The following GCNT1 variants were observed in gnomAD, a reference collection of about 807,000 sequenced individuals.
The protein encoded by GCNT1 is glucosaminyl (N-acetyl) transferase 1, also known as beta-1,3-galactosyl-O-glycosyl-glycoprotein beta-1,6-N-acetylglucosaminyltransferase.
In GCNT1, 16 loss-of-function variants were observed where a neutral mutation model predicts 26.2. The ratio of observed to expected loss-of-function variants is 0.61; its 90% CI spans 0.41 to 0.93. GCNT1 has a LOEUF of 0.93. Among genes scored for constraint, GCNT1 ranks in the 40% least tolerant of loss-of-function variants. GCNT1 has a pLI of 0.00. For synonymous variants in GCNT1, 183 were observed against 190.8 expected, an observed-to-expected ratio of 0.96 and a Z score of 0.34; for missense variants, 477 against 526.7, an observed-to-expected ratio of 0.91 and a Z score of 0.92.
intron 1 of GCNT1, among the ~76,000 whole-genome samples, chr9:76,426,376 T>C (rs547788538): frequency 6.6e-6 from 1 of 152,266 alleles, no homozygotes; most frequent in South Asian, 2.1e-4. Flanking sequence ...AAGACCATCC[T>C]GGGCAACATG....
At chr9:76,417,695 A>G (rs1022937301), upstream of GCNT1, among the ~76,000 whole-genome samples, 1 of 152,164 alleles carries the variant, frequency 6.6e-6, no homozygotes, top group African/African-American at 2.4e-5. Context: ...TTAAGTTTGG[A>G]TAATGTTTAT....
chr9:76,412,683 C>A, the GCNT1 span, among the ~76,000 whole-genome samples: 1 of 152,184 alleles, frequency 6.6e-6, no homozygotes, highest in African/African-American at 2.4e-5. Context: ...GGCTTAGTCA[C>A]CCTTGACACA....
intron 1 of GCNT1, among the ~76,000 whole-genome samples, chr9:76,428,302 A>AAAAAAAAAAAAAAAAAAG (rs1222053703): frequency 1.9e-4 from 28 of 149,426 alleles, no homozygotes; most frequent in African/African-American, 3.7e-4. Context: ...TAAAAAAAAA[A>AAAAAAAAAAAAAAAAAAG]AGAGAGAGAG....
At position 76,505,008 on chromosome 9, in the gene GCNT1, G is replaced by A; in HGVS notation, c.*1340G>A. On this transcript the variant is annotated 3_prime_UTR_variant, in exon 4 of 4. Coordinates refer to ENST00000376730, the MANE Select transcript of GCNT1 (RefSeq NM_001490.5). ...GATAATTTGGGGTTGCTATAATGCT[G>A]TCACACATCTCAAAGTACATTCAAA... The A allele has an allele frequency of 2.4e-6, 1 of 413,094 alleles. No homozygotes were observed. The highest frequency in any genetic ancestry group is 3.6e-5 in the East Asian group (1 of 28,074). 25.6% of individuals were successfully genotyped at this position (413,094 alleles called of 1,614,324 possible).
At chr9:76,408,344 AT>A in the GCNT1 span, among the ~76,000 whole-genome samples, 1 of 152,190 alleles carries the variant, frequency 6.6e-6, no homozygotes, top group Non-Finnish European at 1.5e-5. Context: ...GTTTTATCAA[AT>A]AATTGTTCTG....
chr9:76,442,809 A>T (rs1302979411), intron 1 of GCNT1, among the ~76,000 whole-genome samples: 1 of 143,884 alleles, frequency 7.0e-6, no homozygotes, highest in African/African-American at 2.4e-5. Flanking sequence ...TCATTCATTT[A>T]TTCTCTTATT....
At chr9:76,482,123 C>T (rs1824439009) in intron 2 of GCNT1, among the ~76,000 whole-genome samples, 1 of 152,082 alleles carries the variant, frequency 6.6e-6, no homozygotes, top group Admixed American at 6.5e-5. Flanking sequence ...AAAAAATTAT[C>T]TGGAACAAAA....
chr9:76,415,714 G>A (rs1241621493), upstream of GCNT1, among the ~76,000 whole-genome samples: 1 of 152,192 alleles, frequency 6.6e-6, no homozygotes, highest in African/African-American at 2.4e-5. Flanking sequence ...ATGTGAAACA[G>A]ATCTTCCACA....
chr9:76,496,372 C>G (rs1209150383), intron 2 of GCNT1, among the ~76,000 whole-genome samples: 1 of 152,232 alleles, frequency 6.6e-6, no homozygotes, highest in Non-Finnish European at 1.5e-5. Flanking sequence ...TTCCTGCACC[C>G]TTTGAAGATC....
At chr9:76,416,112 C>T (rs922721296), upstream of GCNT1, among the ~76,000 whole-genome samples, 2 of 152,080 alleles carry the variant, frequency 1.3e-5, no homozygotes, top group African/African-American at 4.8e-5. Flanking sequence ...CCTGGCCCAT[C>T]ATACCCCCCA....
the GCNT1 span, chr9:76,394,154 G>A: frequency 6.2e-7 from 1 of 1,607,530 alleles, no homozygotes. Flanking sequence ...CCCGGCAGAA[G>A]TAAGGCAGGT....
chr9:76,410,258 C>G, the GCNT1 span, among the ~76,000 whole-genome samples: 3 of 151,962 alleles, frequency 2.0e-5, no homozygotes, highest in Admixed American at 6.6e-5. Flanking sequence ...ATGATGAAAC[C>G]CCATCTCTAC....
At chr9:76,408,792 A>G in the GCNT1 span, among the ~76,000 whole-genome samples, 1 of 152,110 alleles carries the variant, frequency 6.6e-6, no homozygotes, top group East Asian at 1.9e-4. Context: ...GGTTCAAGCA[A>G]TTCTCCTGCC....
At chr9:76,476,786 T>C (rs1824263292) in intron 2 of GCNT1, among the ~76,000 whole-genome samples, 1 of 152,214 alleles carries the variant, frequency 6.6e-6, no homozygotes, top group African/African-American at 2.4e-5. Context: ...CTTTGTTCTT[T>C]TATCTCTAAA....
upstream of GCNT1, among the ~76,000 whole-genome samples, chr9:76,437,313 A>G (rs1347946979): frequency 6.6e-6 from 1 of 152,106 alleles, no homozygotes; most frequent in Non-Finnish European, 1.5e-5. Context: ...ACAGGTCATG[A>G]AGATCTTGCT....
At chr9:76,434,892 C>T (rs540307158) in intron 1 of GCNT1, among the ~76,000 whole-genome samples, 17 of 152,222 alleles carry the variant, frequency 1.1e-4, no homozygotes, top group Non-Finnish European at 2.5e-4. Context: ...GAAATACGCC[C>T]CGTCTCCTGC....
Position 76,503,590 on chromosome 9 carries a change from C to A in GCNT1, c.1209C>A (p.Asp403Glu). The A allele has an allele frequency of 6.2e-7, 1 of 1,614,102 alleles. No homozygotes were observed. The highest frequency in any genetic ancestry group is 8.5e-7 in the Non-Finnish European group (1 of 1,180,004). ...ACCACTTGTTTGCCAATAAGTTTGA[C>A]GTGGATGTTGACCTCTTTGCCATCC... ...RKHHLFANKF[D>E]VDVDLFAIQC... is the part of the protein sequence containing the mutation. The change falls in exon 4 of 4, where the codon GAC becomes GAA. Residue 403 changes from aspartate (D) to glutamate (E), a missense_variant. Coordinates refer to ENST00000376730, the MANE Select transcript of GCNT1 (RefSeq NM_001490.5).
At chr9:76,450,464 G>A (rs547792091) in intron 1 of GCNT1, among the ~76,000 whole-genome samples, 1 of 152,216 alleles carries the variant, frequency 6.6e-6, no homozygotes, top group South Asian at 2.1e-4. Flanking sequence ...ATGAATAGTT[G>A]TCCATAAGTA....
rs2131651639 is a variant in GCNT1, at chr9:76,504,945, C to A, written c.*1277C>A. ...TTTTTGTTTTTGGTATCATTCACAGCATACGATTTTTACTCTCTCCATCTT... is the reference window on the plus strand; with the variant it reads ...TTTTTGTTTTTGGTATCATTCACAGAATACGATTTTTACTCTCTCCATCTT... On this transcript the variant is annotated 3_prime_UTR_variant, in exon 4 of 4. Coordinates refer to ENST00000376730, the MANE Select transcript of GCNT1 (RefSeq NM_001490.5). 2.4e-6 allele frequency: 1 copy of A among 413,262 alleles called. No individual in the cohort carries two copies. Among genetic ancestry groups the A allele is most frequent in the South Asian group, 1.3e-4 (1 of 7,852 alleles). The allele number at this position is 413,262 out of a possible 1,614,324, so 25.6% of individuals were successfully genotyped here. A position where few individuals can be genotyped will look rare whatever the true frequency, so the allele number is the denominator to read the frequency against.
Sources: allele counts gnomAD v4.1 joint callset (sites outside exome capture counted in the v4.1 genomes callset), GRCh38; gene constraint gnomAD v4.1.1; transcripts MANE v1.5; gene names NCBI Gene and HGNC (gene_info 2026-07-23, HGNC 2026-07-21).